The following SP140L variants were observed in gnomAD, a reference collection of about 807,000 sequenced individuals.
SP140L encodes the protein nuclear body protein SP140-like protein.
A neutral mutation model predicts 84.3 loss-of-function variants in SP140L; 64 were observed. That is an observed-to-expected ratio of 0.76 (90% confidence interval 0.62 to 0.94). The LOEUF (loss-of-function observed/expected upper bound fraction) is 0.94. Ranked by LOEUF, SP140L falls within the 40% of genes least tolerant of loss-of-function variation. The pLI is 0.00. For missense variants in SP140L, 628 were observed against 692.5 expected (o/e 0.91, Z 1.05); for synonymous variants, 242 against 236.9 (o/e 1.02, Z -0.20).
intron 9 of SP140L, 122 bp from the exon 10 acceptor site, chr2:230,388,437 T>C: frequency 1.4e-6 from 1 of 724,008 alleles, no homozygotes; most frequent in Non-Finnish European, 2.1e-6. Flanking sequence ...GTTTAAATCT[T>C]TTTATTTATA....
At position 230,366,880 on chromosome 2, in the gene SP140L, A is replaced by G. The variant is rs550813869; in HGVS notation, c.524-4028A>G. Among the ~76,000 whole-genome samples the G allele has an allele frequency of 1.2e-3, 175 of 151,924 alleles. 2 individuals are homozygous for G. The highest frequency in any genetic ancestry group is 3.8e-3 in the African/African-American group (157 of 41,456). On this transcript the variant is annotated intron_variant, in intron 5 of 18. Coordinates refer to ENST00000415673, the MANE Select transcript of SP140L (RefSeq NM_138402.6). ...CCTGAGTAGCTGGGACTACAGGCGC[A>G]TGCCACCAAGCCTGGCTAATTTTTT...
intron 10 of SP140L, 47 bp from the exon 11 acceptor site, chr2:230,389,872 A>G (rs2061730253): frequency 6.4e-7 from 1 of 1,564,746 alleles, no homozygotes; most frequent in East Asian, 2.2e-5. Flanking sequence ...GGAAGGGGGG[A>G]TGTGCCTTTG....
intron 2 of SP140L, among the ~76,000 whole-genome samples, chr2:230,331,142 A>T (rs1438294632): frequency 1.3e-5 from 2 of 152,262 alleles, no homozygotes; most frequent in Non-Finnish European, 2.9e-5. Flanking sequence ...CCTGAAAGAA[A>T]AAAAAAATCA....
intron 2 of SP140L, among the ~76,000 whole-genome samples, chr2:230,348,166 A>G (rs141883005): frequency 6.6e-6 from 1 of 152,192 alleles, no homozygotes; most frequent in Non-Finnish European, 1.5e-5. Context: ...CTTGGGGAGG[A>G]GCAACACAGT....
chr2:230,401,451 A>G lies in SP140L; in HGVS notation c.1500+8A>G, dbSNP rs761703086. On this transcript the variant is annotated splice_region_variant and intron_variant, in intron 17 of 18. Transcript: ENST00000415673. ...ATTCCATACTATTATTATGTAAGTA[A>G]CAACAGCAACCCATGATTACAGGCT... 6.8e-7 allele frequency: 1 copy of G among 1,475,086 alleles called. No individual in the cohort carries two copies. Among genetic ancestry groups the G allele is most frequent in the Non-Finnish European group, 9.2e-7 (1 of 1,089,540 alleles). 91.4% of individuals were successfully genotyped at this position (1,475,086 alleles called of 1,614,324 possible). A position where few individuals can be genotyped will look rare whatever the true frequency, so the allele number is the denominator to read the frequency against.
At chr2:230,388,725 A>T in intron 10 of SP140L, 92 bp downstream of exon 10, 5 of 1,097,322 alleles carry the variant, frequency 4.6e-6, no homozygotes, top group Non-Finnish European at 6.4e-6. Context: ...CTATTTCTTT[A>T]ATTGTTTTAT....
chr2:230,348,848 C>T (rs1478278127), intron 2 of SP140L, among the ~76,000 whole-genome samples: 2 of 152,116 alleles, frequency 1.3e-5, no homozygotes, highest in Non-Finnish European at 2.9e-5. Flanking sequence ...CATTTTTGCT[C>T]TTTTAGAAGA....
At chr2:230,371,777 C>T in intron 7 of SP140L, 126 bp downstream of exon 7, 2 of 897,388 alleles carry the variant, frequency 2.2e-6, no homozygotes, top group Admixed American at 2.5e-5. Flanking sequence ...AGAATGATGG[C>T]CACCCCAAAA....
intron 1 of SP140L, 48 bp downstream of exon 1, chr2:230,327,349 G>A (rs959562958): frequency 6.3e-7 from 1 of 1,585,228 alleles, no homozygotes; most frequent in African/African-American, 1.3e-5. Context: ...GGCAGTATTG[G>A]AGCTTTCATG....
rs192639201 is a variant in SP140L, at chr2:230,329,160, C to G, written c.107+329C>G. ...TGCACCCTCATTATAAATAGTGATG[C>G]AGAGAGTTGCTGAGGCACTCTGTGA... On this transcript the variant is annotated intron_variant, in intron 2 of 18. Transcript: ENST00000415673. Among the ~76,000 whole-genome samples, 30 of 152,274 alleles carry G rather than the reference C, an allele frequency of 2.0e-4. No homozygotes were observed. The East Asian group carries it at 5.6e-3, about 28-fold the overall frequency.
At chr2:230,380,785 C>G (rs2061378906) in intron 7 of SP140L, among the ~76,000 whole-genome samples, 1 of 152,148 alleles carries the variant, frequency 6.6e-6, no homozygotes, top group South Asian at 2.1e-4. Context: ...TTTTGAGATT[C>G]ATTCATATCA....
In SP140L at chr2:230,403,092, G is replaced by A; in HGVS notation, c.*196G>A. The A allele has an allele frequency of 1.9e-6, 1 of 528,548 alleles. No individual in the cohort carries two copies. Among genetic ancestry groups the A allele is most frequent in the Non-Finnish European group, 3.3e-6 (1 of 302,778 alleles). The allele number at this position is 528,548 out of a possible 1,614,324, so 32.7% of individuals were successfully genotyped here. A position where few individuals can be genotyped will look rare whatever the true frequency, so the allele number is the denominator to read the frequency against. ...CCCAAGAATCTCATCAACCAGGGAA[G>A]AGGAACTGAGATCACAGGGAAGGAG... On this transcript the variant is annotated 3_prime_UTR_variant, in exon 19 of 19. Transcript: ENST00000415673.
At position 230,403,062 on chromosome 2, in the gene SP140L, C is replaced by T. The variant is rs759441240; in HGVS notation, c.*166C>T. 36 of 574,172 alleles carry T rather than the reference C, an allele frequency of 6.3e-5. No homozygotes were observed. The highest frequency in any genetic ancestry group is 1.0e-4 in the Non-Finnish European group (33 of 328,802). The allele number at this position is 574,172 out of a possible 1,614,324, so 35.6% of individuals were successfully genotyped here. A position where few individuals can be genotyped will look rare whatever the true frequency, so the allele number is the denominator to read the frequency against. On this transcript the variant is annotated 3_prime_UTR_variant, in exon 19 of 19. Coordinates refer to ENST00000415673, the MANE Select transcript of SP140L (RefSeq NM_138402.6). ...AAAAGAAATTTGATCATCATGAATCCCATCCCCAAGAATCTCATCAACCAG... is the reference window on the plus strand; with the variant it reads ...AAAAGAAATTTGATCATCATGAATCTCATCCCCAAGAATCTCATCAACCAG...
At chr2:230,380,680 C>A (rs2061374846) in intron 7 of SP140L, among the ~76,000 whole-genome samples, 1 of 152,104 alleles carries the variant, frequency 6.6e-6, no homozygotes, top group Non-Finnish European at 1.5e-5. Flanking sequence ...CTTTGTTTTT[C>A]CATGATAACT....
intron 5 of SP140L, among the ~76,000 whole-genome samples, chr2:230,363,675 G>A (rs2060788848): frequency 6.6e-6 from 1 of 151,950 alleles, no homozygotes; most frequent in Non-Finnish European, 1.5e-5. Flanking sequence ...TTTTTAGTTT[G>A]ATGTAGTCTC....
At chr2:230,367,295 C>CTTTTTTTTTTTTTTTTTTT (rs200306286) in intron 5 of SP140L, among the ~76,000 whole-genome samples, 23 of 118,040 alleles carry the variant, frequency 1.9e-4, no homozygotes, top group Admixed American at 4.8e-4. Context: ...TCTTTTTTTT[C>CTTTTTTTTTTTTTTTTTTT]TTTTTTTTTT....
intron 5 of SP140L, among the ~76,000 whole-genome samples, chr2:230,364,540 T>C (rs1364324505): frequency 3.9e-5 from 6 of 152,118 alleles, no homozygotes; most frequent in Non-Finnish European, 8.8e-5. Flanking sequence ...AGTTTTTTGG[T>C]AGAGTCTTCA....
At chr2:230,376,585 A>G (rs1345391716) in intron 7 of SP140L, among the ~76,000 whole-genome samples, 1 of 152,218 alleles carries the variant, frequency 6.6e-6, no homozygotes, top group African/African-American at 2.4e-5. Flanking sequence ...AAAGATGCAA[A>G]TAAATGGAAA....
rs552278947 is a variant in SP140L at position 230,343,690 on chromosome 2, C to T, written c.108-14115C>T. On this transcript the variant is annotated intron_variant, in intron 2 of 18. Coordinates refer to ENST00000415673, the MANE Select transcript of SP140L (RefSeq NM_138402.6). ...TTCCACAATGGTTGAACTTACACTC[C>T]CAAAAACAGTGTAAAAGCATTTCTT... is the stretch of plus-strand genomic sequence containing the variant. Among the ~76,000 whole-genome samples the T allele has an allele frequency of 3.0e-3, 462 of 152,278 alleles. 1 individual carries two copies. The highest frequency in any genetic ancestry group is 5.4e-3 in the Non-Finnish European group (366 of 67,998).
Sources: gnomAD v4.1 joint callset for allele counts (sites outside exome capture counted in the v4.1 genomes callset) on GRCh38, gnomAD v4.1.1 for gene constraint, MANE v1.5 for transcripts, NCBI Gene and HGNC (gene_info 2026-07-23, HGNC 2026-07-21) for gene names.